Variants in TTC5 observed in about 807,000 individuals in gnomAD.
TTC5 encodes tetratricopeptide repeat domain 5.
In TTC5, 46 loss-of-function variants were observed where a neutral mutation model predicts 57.4. That is an observed-to-expected ratio of 0.80 (90% CI 0.63 to 1.03). The LOEUF (loss-of-function observed/expected upper bound fraction) is 1.03, where lower values mean the gene tolerates loss of function less well. Among genes scored for constraint, TTC5 ranks in the 50% least tolerant of loss-of-function variants. TTC5 has a pLI of 0.00. For missense variants in TTC5, 504 were observed against 528.1 expected (o/e 0.95, Z 0.45); for synonymous variants, 190 against 203.5 (o/e 0.93, Z 0.57).
intron 1 of TTC5, 96 bp from the exon 2 acceptor site, chr14:20,302,061 C>A: frequency 2.2e-6 from 3 of 1,362,886 alleles, no homozygotes; most frequent in East Asian, 2.4e-5. Context: ...CTAGAAATAC[C>A]AATTCTCTTT....
chr14:20,296,534 G>T, intron 5 of TTC5, 88 bp from the exon 6 acceptor site: 1 of 1,073,274 alleles, frequency 9.3e-7, no homozygotes, highest in Non-Finnish European at 1.4e-6. Context: ...CCTCTTTCTA[G>T]AGAAATGGAA....
At chr14:20,295,280 G>A in intron 8 of TTC5, 32 bp downstream of exon 8, 1 of 1,603,000 alleles carries the variant, frequency 6.2e-7, no homozygotes. Context: ...AGTTCAAAAG[G>A]GTAAAATGGG....
chr14:20,298,131 G>A (rs765634167), intron 5 of TTC5, among the ~76,000 whole-genome samples: 7 of 152,080 alleles, frequency 4.6e-5, no homozygotes, highest in Non-Finnish European at 1.0e-4. Flanking sequence ...GTAAATATGA[G>A]AGCTAAATAA....
Position 20,296,526 on chromosome 14 carries a change from T to C in TTC5, c.640-80A>G, listed in dbSNP as rs1014345738. On this transcript the variant is annotated intron_variant, in intron 5 of 9. Transcript: ENST00000258821. Reference sequence around the variant, plus strand: ...CATGCCCAACATGTCCTACGCCTCCTCTTTCTAGAGAAATGGAAGTTTCTT... The same window carrying C: ...CATGCCCAACATGTCCTACGCCTCCCCTTTCTAGAGAAATGGAAGTTTCTT... The C allele has an allele frequency of 3.9e-5, 44 of 1,116,862 alleles. No individual in the cohort carries two copies. The Admixed American group carries it at 7.0e-4, about 18-fold the overall frequency. The allele number at this position is 1,116,862 out of a possible 1,614,324, so 69.2% of individuals were successfully genotyped here.
At chr14:20,298,935 G>A (rs370917600) in intron 4 of TTC5, 47 bp from the exon 5 acceptor site, 77 of 1,374,410 alleles carry the variant, frequency 5.6e-5, no homozygotes, top group Admixed American at 3.6e-4. Flanking sequence ...CCAAGTTCAA[G>A]ATATGACTTA....
At position 20,289,789 on chromosome 14, in the gene TTC5, A is replaced by G. The variant is rs199908290; in HGVS notation, c.1204-43T>C. 2.0e-5 allele frequency: 31 copies of G among 1,568,986 alleles called. No individual in the cohort carries two copies. In the African/African-American group the frequency reaches 3.9e-4, roughly 20 times the overall value. On this transcript the variant is annotated intron_variant, in intron 9 of 9. Coordinates refer to ENST00000258821, the MANE Select transcript of TTC5 (RefSeq NM_138376.3). ...ACAAAGGTTCACTACAGATTCCAAG[A>G]TGGAAAAAGCTCCAGCATGGGGATA...
intron 7 of TTC5, 42 bp from the exon 8 acceptor site, chr14:20,295,568 GC>G: frequency 6.3e-7 from 1 of 1,583,752 alleles, no homozygotes; most frequent in Non-Finnish European, 8.6e-7. Flanking sequence ...GAAACTAGTC[GC>G]CTTCCTTGAG....
At chr14:20,301,774 G>A in intron 2 of TTC5, 59 bp downstream of exon 2, 1 of 1,604,264 alleles carries the variant, frequency 6.2e-7, no homozygotes, top group Non-Finnish European at 8.5e-7. Flanking sequence ...TGAGGAGGGA[G>A]CAAAGGTCAA....
Position 20,289,336 on chromosome 14 carries a change from A to G in TTC5, c.*291T>C. On this transcript the variant is annotated 3_prime_UTR_variant, in exon 10 of 10. Coordinates refer to ENST00000258821, the MANE Select transcript of TTC5 (RefSeq NM_138376.3). ...ACAGGAACCTTGGGGACTCTGTCCCATGGCAAGATCCCAAGACTTCTACCA... is the reference window on the plus strand; with the variant it reads ...ACAGGAACCTTGGGGACTCTGTCCCGTGGCAAGATCCCAAGACTTCTACCA... 2 of 247,266 alleles carry G rather than the reference A, an allele frequency of 8.1e-6. No homozygotes were observed. Among genetic ancestry groups the G allele is most frequent in the Non-Finnish European group, 1.6e-5 (2 of 128,106 alleles). 15.3% of individuals were successfully genotyped at this position (247,266 alleles called of 1,614,324 possible). A position where few individuals can be genotyped will look rare whatever the true frequency, so the allele number is the denominator to read the frequency against.
rs1882110341 is a variant in TTC5 at position 20,298,461 on chromosome 14, A to C, written c.639+336T>G. ...TATTCTTTAAAATGAATGTACAAAAATATTAATAAGTATTATTTTAATAGA... is the reference window on the plus strand; with the variant it reads ...TATTCTTTAAAATGAATGTACAAAACTATTAATAAGTATTATTTTAATAGA... On this transcript the variant is annotated intron_variant, in intron 5 of 9. Transcript: ENST00000258821. 2.6e-5 allele frequency among the ~76,000 whole-genome samples: 4 copies of C among 152,212 alleles called. No homozygotes were observed. The South Asian group carries it at 6.2e-4, about 24-fold the overall frequency.
At chr14:20,301,086 G>A (rs376644448) in intron 2 of TTC5, among the ~76,000 whole-genome samples, 15 of 152,086 alleles carry the variant, frequency 9.9e-5, no homozygotes, top group African/African-American at 3.1e-4. Flanking sequence ...TTCCTAGAGG[G>A]GTTTACAATC....
intron 3 of TTC5, among the ~76,000 whole-genome samples, chr14:20,299,851 C>A (rs1454796548): frequency 6.6e-6 from 1 of 150,988 alleles, no homozygotes; most frequent in African/African-American, 2.4e-5. Context: ...CACGCCTGGC[C>A]GTATTTTTCT....
At chr14:20,304,319 C>A (rs1471097195) in intron 1 of TTC5, among the ~76,000 whole-genome samples, 2 of 152,196 alleles carry the variant, frequency 1.3e-5, no homozygotes, top group African/African-American at 4.8e-5. Flanking sequence ...GCACCCTCTG[C>A]AAATTTTATT....
chr14:20,299,441 T>A lies in TTC5; in HGVS notation c.404A>T (p.Asn135Ile). The change falls in exon 4 of 10, where the codon AAC becomes ATC. Residue 135 changes from asparagine (N) to isoleucine (I), a missense_variant. Asn to Ile is a moderately radical substitution (Grantham distance 149). Coordinates refer to ENST00000258821, the MANE Select transcript of TTC5 (RefSeq NM_138376.3). The part of the protein sequence containing the change: ...CFSGALTHCR[N>I]KVSLQNLSMV... ...TGACAGGTTTTGCAAGGAGACTTTG[T>A]TCCTGCACTGCAAATAGGAAGGGCA... 5 of 1,613,832 alleles carry A rather than the reference T, an allele frequency of 3.1e-6. No homozygotes were observed. Among genetic ancestry groups the A allele is most frequent in the Non-Finnish European group, 4.2e-6 (5 of 1,180,024 alleles).
At chr14:20,295,079 T>C (rs1272784246) in intron 8 of TTC5, 1 of 539,502 alleles carries the variant, frequency 1.9e-6, no homozygotes, top group Non-Finnish European at 3.3e-6. Context: ...GGAATCCACA[T>C]AGCACCAAAC....
intron 6 of TTC5, 141 bp from the exon 7 acceptor site, chr14:20,295,995 G>A (rs1882054704): frequency 1.3e-6 from 1 of 783,918 alleles, no homozygotes; most frequent in African/African-American, 1.7e-5. Flanking sequence ...AGCCTGAAGA[G>A]CTGGTAACAC....
rs1275620659 is a variant in TTC5, at chr14:20,299,432, G to A, written c.413C>T (p.Ser138Phe). The A allele has an allele frequency of 6.2e-7, 1 of 1,613,740 alleles. No homozygotes were observed. The highest frequency in any genetic ancestry group is 8.5e-7 in the Non-Finnish European group (1 of 1,180,036). Residue 138 changes from serine to phenylalanine, a missense_variant, in exon 4 of 10, where the codon TCC becomes TTC. By Grantham distance (155) the Ser-to-Phe change is radical. Transcript: ENST00000258821. ...GALTHCRNKV[S>F]LQNLSMVLRQ... ...AAGCACCATTGACAGGTTTTGCAAG[G>A]AGACTTTGTTCCTGCACTGCAAATA...
At chr14:20,299,208 G>C (rs2138814569) in intron 4 of TTC5, 90 bp downstream of exon 4, 2 of 1,441,626 alleles carry the variant, frequency 1.4e-6, no homozygotes, top group South Asian at 2.5e-5. Context: ...TTAAACCTCA[G>C]AATCACACTC....
rs75885752 is a variant in TTC5 at position 20,286,465 on chromosome 14, G to A, written c.*3162C>T. ...ACAATTTCAAAAAAAGAAAAAGACAGACTGGGCTTTAAAGATCAGTAGGGA... is the reference window on the plus strand; with the variant it reads ...ACAATTTCAAAAAAAGAAAAAGACAAACTGGGCTTTAAAGATCAGTAGGGA... On this transcript the variant is annotated 3_prime_UTR_variant, in exon 10 of 10. Transcript: ENST00000258821. 26 of 152,136 alleles carry A rather than the reference G, an allele frequency of 1.7e-4. No individual in the cohort carries two copies. The East Asian group carries it at 4.8e-3, about 28-fold the overall frequency. The allele number at this position is 152,136 out of a possible 1,614,324, so 9.4% of individuals were successfully genotyped here. A position where few individuals can be genotyped will look rare whatever the true frequency, so the allele number is the denominator to read the frequency against.
Sources: gnomAD v4.1 joint callset for allele counts (sites outside exome capture counted in the v4.1 genomes callset) on GRCh38, gnomAD v4.1.1 for gene constraint, MANE v1.5 for transcripts, NCBI Gene and HGNC (gene_info 2026-07-23, HGNC 2026-07-21) for gene names.